The following MTR variants were observed in gnomAD, a reference collection of about 807,000 sequenced individuals.
The protein encoded by MTR is 5-methyltetrahydrofolate-homocysteine methyltransferase, also known as methionine synthase.
Under a neutral mutation model 154.8 loss-of-function variants are expected in MTR, and 84 were observed. That is an observed-to-expected ratio of 0.54 (90% CI 0.45 to 0.65). MTR has a LOEUF of 0.65. MTR is among the 30% of genes least tolerant of loss of function. The probability of loss-of-function intolerance (pLI) is 0.00; values close to 1 mark genes in which losing one functional copy is unlikely to be tolerated. For synonymous variants in MTR, 554 were observed against 553.9 expected (o/e 1.00, Z 0.00); for missense variants, 1,275 against 1,570.2 (o/e 0.81, Z 3.18).
Position 236,795,739 on chromosome 1 carries a change from T to C in MTR, c.34+2T>C, listed in dbSNP as rs776165231. 59 of 1,614,060 alleles carry C rather than the reference T, an allele frequency of 3.7e-5. No individual in the cohort carries two copies. The highest frequency in any genetic ancestry group is 4.7e-5 in the Non-Finnish European group (55 of 1,180,038). On this transcript the variant is annotated splice_donor_variant, in intron 1 of 32. Coordinates refer to ENST00000366577, the MANE Select transcript of MTR (RefSeq NM_000254.3). LOFTEE classifies it high-confidence loss of function. The stretch of plus-strand genomic sequence containing the variant: ...CGCTCCAAGACCTGTCGCAACCCGG[T>C]AACGCTGCGACCCCGTCTGCGTGGT...
chr1:236,885,030 A>G (rs1182017900), intron 25 of MTR, 91 bp from the exon 26 acceptor site: 2 of 821,120 alleles, frequency 2.4e-6, no homozygotes, highest in African/African-American at 3.4e-5. Context: ...GAAGTTAAGG[A>G]AGCCTTCCTG....
chr1:236,885,759 C>T (rs890094430), intron 26 of MTR, among the ~76,000 whole-genome samples: 3 of 152,174 alleles, frequency 2.0e-5, no homozygotes, highest in Non-Finnish European at 4.4e-5. Flanking sequence ...TATTTCTTTC[C>T]GGTTATCTGC....
rs12070633 is a variant in MTR, at chr1:236,895,062, C to T, written c.3406-296C>T. 248,716 of 427,730 alleles carry T rather than the reference C, an allele frequency of 0.58. 73,462 individuals carry two copies. The highest frequency in any genetic ancestry group is 0.62 in the South Asian group (27,968 of 45,132). 26.5% of individuals were successfully genotyped at this position (427,730 alleles called of 1,614,324 possible). A position where few individuals can be genotyped will look rare whatever the true frequency, so the allele number is the denominator to read the frequency against. Reference sequence around the variant, plus strand: ...ATGGTCCCAGCTGCTCTTTCTGGCCCGTGGAGCTTTGGATTGACCTTTAGG... The same window carrying T: ...ATGGTCCCAGCTGCTCTTTCTGGCCTGTGGAGCTTTGGATTGACCTTTAGG... On this transcript the variant is annotated intron_variant, in intron 30 of 32. Coordinates refer to ENST00000366577, the MANE Select transcript of MTR (RefSeq NM_000254.3).
intron 15 of MTR, among the ~76,000 whole-genome samples, chr1:236,841,893 CTTTT>C (rs1178746827): frequency 7.1e-6 from 1 of 139,906 alleles, no homozygotes; most frequent in Admixed American, 7.2e-5. Context: ...TATTCTAACT[CTTTT>C]TTTTTTTTTT....
chr1:236,809,668 A>G (rs1018364188), intron 4 of MTR, among the ~76,000 whole-genome samples: 8 of 152,340 alleles, frequency 5.3e-5, no homozygotes, highest in African/African-American at 1.9e-4. Flanking sequence ...AGCTTTGGGG[A>G]TGCAAAAGAA....
chr1:236,899,148 C>T lies in MTR; in HGVS notation c.*1504C>T, dbSNP rs1666816968. 1 of 152,110 alleles carries T rather than the reference C, an allele frequency of 6.6e-6. No individual in the cohort carries two copies. Among genetic ancestry groups the T allele is most frequent in the African/African-American group, 2.4e-5 (1 of 41,410 alleles). 9.4% of individuals were successfully genotyped at this position (152,110 alleles called of 1,614,324 possible). On this transcript the variant is annotated 3_prime_UTR_variant, in exon 33 of 33. Transcript: ENST00000366577. ...TAAAATTGATCTATGGATTTAATAC[C>T]ATTTTCAATGGAAATTCCAACAGAT...
chr1:236,796,380 TA>T (rs1297033075), intron 1 of MTR, among the ~76,000 whole-genome samples: 1 of 152,196 alleles, frequency 6.6e-6, no homozygotes, highest in East Asian at 1.9e-4. Context: ...GAACTGAACG[TA>T]ATGTTAGCTT....
intron 18 of MTR, among the ~76,000 whole-genome samples, chr1:236,855,061 C>T (rs1296140136): frequency 1.3e-5 from 2 of 152,176 alleles, no homozygotes; most frequent in African/African-American, 4.8e-5. Flanking sequence ...CAGGTATCCT[C>T]TAATAACTCT....
rs1048374781 is a variant in MTR, at chr1:236,852,526, A to G, written c.1701A>G (p.Thr567=). ...TATTTTAAAATTTTTGCCAGGAAACATTACCTGGAGCCAGAATAAGTGGAG... is the reference window on the plus strand; with the variant it reads ...TATTTTAAAATTTTTGCCAGGAAACGTTACCTGGAGCCAGAATAAGTGGAG... ...FIHATKVIKE[T]LPGARISGGL... Residue 567 remains threonine (T), a synonymous_variant, in exon 17 of 33, where the codon ACA becomes ACG. Coordinates refer to ENST00000366577, the MANE Select transcript of MTR (RefSeq NM_000254.3). 1.2e-6 allele frequency: 2 copies of G among 1,613,238 alleles called. No individual in the cohort carries two copies. The highest frequency in any genetic ancestry group is 1.7e-6 in the Non-Finnish European group (2 of 1,179,198).
intron 10 of MTR, among the ~76,000 whole-genome samples, chr1:236,826,139 C>G (rs1015415590): frequency 6.6e-6 from 1 of 152,070 alleles, no homozygotes; most frequent in Non-Finnish European, 1.5e-5. Context: ...GACAGAGGAA[C>G]TGAATTGTTA....
In MTR at chr1:236,850,383, G is replaced by A. The variant is rs1308888319; in HGVS notation, c.1555G>A (p.Ala519Thr). Residue 519 changes from alanine to threonine, a missense_variant, in exon 16 of 33, where the codon GCC becomes ACC. By Grantham distance (58) the Ala-to-Thr change is moderately conservative (BLOSUM62 0). Coordinates refer to ENST00000366577, the MANE Select transcript of MTR (RefSeq NM_000254.3). ...TDTKIRVCTRAYHLLVKKLGF... is the reference protein window; with the variant it reads ...TDTKIRVCTRTYHLLVKKLGF... ...CACAAAAATCAGAGTGTGCACCCGG[G>A]CCTACCATCTGCTTGTGAAAAAACT... 4 of 1,613,668 alleles carry A rather than the reference G, an allele frequency of 2.5e-6. No homozygotes were observed. The highest frequency in any genetic ancestry group is 3.4e-6 in the Non-Finnish European group (4 of 1,179,908).
chr1:236,845,976 G>A (rs1466561385), intron 15 of MTR, among the ~76,000 whole-genome samples: 1 of 152,172 alleles, frequency 6.6e-6, no homozygotes, highest in African/African-American at 2.4e-5. Context: ...CTACTGTTGC[G>A]ACTAAGCAAG....
At chr1:236,821,589 T>C (rs1291996906) in intron 8 of MTR, among the ~76,000 whole-genome samples, 1 of 152,224 alleles carries the variant, frequency 6.6e-6, no homozygotes, top group African/African-American at 2.4e-5. Context: ...ACCAGTTTTT[T>C]TTCTTTCATG....
At chr1:236,885,381 TTAAGTTCCCAAA>T (rs1665959714) in intron 26 of MTR, among the ~76,000 whole-genome samples, 162 bp downstream of exon 26, 1 of 152,224 alleles carries the variant, frequency 6.6e-6, no homozygotes, top group Non-Finnish European at 1.5e-5. Flanking sequence ...CTTCAGTGTC[TTAAGTTCCCAAA>T]TAATTTTTGG....
intron 8 of MTR, among the ~76,000 whole-genome samples, chr1:236,819,373 C>T (rs1661787806): frequency 6.6e-6 from 1 of 152,134 alleles, no homozygotes; most frequent in South Asian, 2.1e-4. Flanking sequence ...TTCACATTGG[C>T]TTCTTTCACT....
intron 7 of MTR, 89 bp from the exon 8 acceptor site, chr1:236,816,360 G>A: frequency 1.8e-6 from 2 of 1,094,052 alleles, no homozygotes; most frequent in Middle Eastern, 2.0e-4. Flanking sequence ...AAGAGCAAAG[G>A]AAGTCAGTGT....
intron 12 of MTR, among the ~76,000 whole-genome samples, chr1:236,831,295 C>T (rs775970511): frequency 2.0e-5 from 3 of 152,190 alleles, no homozygotes; most frequent in Non-Finnish European, 4.4e-5. Context: ...CATGTATTAT[C>T]TGATATTTGC....
Position 236,826,913 on chromosome 1 carries a change from G to A in MTR, c.995+17G>A, listed in dbSNP as rs1662320853. ...TCATATCAGGTAATAATCACCTATA[G>A]ACAATATATCTAAAACCAAGTGGAT... On this transcript the variant is annotated intron_variant, in intron 11 of 32. Transcript: ENST00000366577. The A allele has an allele frequency of 6.2e-7, 1 of 1,605,916 alleles. No homozygotes were observed.
chr1:236,863,198 T>C (rs1355735444), intron 21 of MTR, among the ~76,000 whole-genome samples: 1 of 152,242 alleles, frequency 6.6e-6, no homozygotes, highest in Non-Finnish European at 1.5e-5. Flanking sequence ...GGTCTTCAGC[T>C]GTGGTGCTGT....
Sources: allele counts gnomAD v4.1 joint callset (sites outside exome capture counted in the v4.1 genomes callset), GRCh38; gene constraint gnomAD v4.1.1; transcripts MANE v1.5; gene names NCBI Gene and HGNC (gene_info 2026-07-23, HGNC 2026-07-21).